The following ZNF16 variants were observed in gnomAD, a reference collection of about 807,000 sequenced individuals.
ZNF16 encodes zinc finger protein 16.
In ZNF16, 7 loss-of-function variants were observed where a neutral mutation model predicts 9.0. That is an observed-to-expected ratio of 0.78 (90% CI 0.44 to 1.47). The LOEUF (loss-of-function observed/expected upper bound fraction) is 1.47, where lower values mean the gene tolerates loss of function less well. Among genes scored for constraint, ZNF16 ranks in the 40% most tolerant of loss-of-function variants. The pLI is 0.01. For synonymous variants in ZNF16, 312 were observed against 301.5 expected, an observed-to-expected ratio of 1.03 and a Z score of -0.36; for missense variants, 830 against 854.2, an observed-to-expected ratio of 0.97 and a Z score of 0.35.
At chr8:144,940,843 T>C (rs563322923) in intron 2 of ZNF16, among the ~76,000 whole-genome samples, 93 of 152,322 alleles carry the variant, frequency 6.1e-4, no homozygotes, top group African/African-American at 2.2e-3. Context: ...TGGTTCCTCC[T>C]AGGTATTCCC....
At chr8:144,942,254 A>AG (rs1833820450) in intron 2 of ZNF16, among the ~76,000 whole-genome samples, 1 of 151,210 alleles carries the variant, frequency 6.6e-6, no homozygotes, top group Non-Finnish European at 1.5e-5. Flanking sequence ...CTGGGATTAC[A>AG]GGCATGAGCC....
Position 144,932,348 on chromosome 8 carries a change from G to T in ZNF16, c.439C>A (p.Pro147Thr). The T allele has an allele frequency of 5.6e-6, 9 of 1,614,078 alleles. No homozygotes were observed. The highest frequency in any genetic ancestry group is 7.6e-6 in the Non-Finnish European group (9 of 1,180,000). The change falls in exon 3 of 3, where the codon CCC (proline) becomes ACC (threonine). Residue 147 changes from proline to threonine, a missense_variant. By Grantham distance (38) the Pro-to-Thr change is conservative. Coordinates refer to ENST00000394909, the MANE Select transcript of ZNF16 (RefSeq NM_006958.3). This position sits in a 1 kb window ranked among gnomAD's most constrained non-coding sequence, Gnocchi z 5.0. The stretch of plus-strand genomic sequence containing the variant: ...CAGTCCAGATCTTTCTCCCCTAAGG[G>T]GCCCCTAAGGAGCCCCATGGCAGCT... Reference protein sequence around the residue: ...TPAAMGLLRGPLGEKDLDCNG... With the variant: ...TPAAMGLLRGTLGEKDLDCNG...
In ZNF16 at chr8:144,946,091, T is replaced by G. The variant is rs747877526; in HGVS notation, c.116A>C (p.His39Pro). The G allele has an allele frequency of 1.2e-6, 2 of 1,612,700 alleles. No homozygotes were observed. The highest frequency in any genetic ancestry group is 1.3e-5 in the African/African-American group (1 of 74,912). Reference sequence around the variant, plus strand: ...GGTACCACAGGCTGCAGATCCAGGGTGGGTCACAGCAGGAGCATCTCTCAC... The same window carrying G: ...GGTACCACAGGCTGCAGATCCAGGGGGGGTCACAGCAGGAGCATCTCTCAC... Reference protein sequence around the residue: ...ARVRDAPAVTHPGSAACGTPC... With the variant: ...ARVRDAPAVTPPGSAACGTPC... Residue 39 changes from histidine (H) to proline (P), a missense_variant, in exon 2 of 3, where the codon CAC (histidine) becomes CCC (proline). His to Pro is a moderately conservative substitution (Grantham distance 77, BLOSUM62 -2). Coordinates refer to ENST00000394909, the MANE Select transcript of ZNF16 (RefSeq NM_006958.3).
Position 144,931,641 on chromosome 8 carries a change from A to G in ZNF16, c.1146T>C (p.Cys382=), listed in dbSNP as rs770197512. 6.2e-7 allele frequency: 1 copy of G among 1,613,820 alleles called. No homozygotes were observed. The highest frequency in any genetic ancestry group is 8.5e-7 in the Non-Finnish European group (1 of 1,179,998). ...TGEKPFECGE[C]GKAFSQSAHL... ...GTGCACTCTGGCTGAAGGCTTTCCC[A>G]CACTCGCCACACTCAAAAGGCTTCT... Residue 382 remains cysteine, a synonymous_variant, in exon 3 of 3, where the codon TGT becomes TGC. Coordinates refer to ENST00000394909, the MANE Select transcript of ZNF16 (RefSeq NM_006958.3).
intron 1 of ZNF16, among the ~76,000 whole-genome samples, chr8:144,950,192 GCTTT>G (rs1834071714): frequency 6.6e-6 from 1 of 151,730 alleles, no homozygotes; most frequent in African/African-American, 2.4e-5. Flanking sequence ...TTGCTCACAT[GCTTT>G]TTTTTGCTGA....
At position 144,933,001 on chromosome 8, in the gene ZNF16, C is replaced by T. The variant is rs1283746085; in HGVS notation, c.197-411G>A. On this transcript the variant is annotated intron_variant, in intron 2 of 2. Coordinates refer to ENST00000394909, the MANE Select transcript of ZNF16 (RefSeq NM_006958.3). The surrounding 1 kb of genome is among the most constrained non-coding windows in gnomAD (Gnocchi z 5.6). ...GTGCTTCTCACTTCTCCCACCTGTA[C>T]CAGAAAAACGTCTCACACCACTCCT... 1.3e-5 allele frequency among the ~76,000 whole-genome samples: 2 copies of T among 152,210 alleles called. No homozygotes were observed. Among genetic ancestry groups the T allele is most frequent in the Admixed American group, 6.5e-5 (1 of 15,278 alleles).
intron 2 of ZNF16, chr8:144,944,362 G>A (rs1236086718): frequency 6.6e-6 from 1 of 152,170 alleles, no homozygotes; most frequent in African/African-American, 2.4e-5. Context: ...GAGCCACCGT[G>A]GTGCTGGGTT....
intron 1 of ZNF16, chr8:144,950,573 C>T (rs554809625): frequency 6.6e-6 from 1 of 152,172 alleles, no homozygotes; most frequent in South Asian, 2.1e-4. Flanking sequence ...GACCCCCTAC[C>T]GGAGGCAGCC....
At chr8:144,944,466 G>A (rs943047092) in intron 2 of ZNF16, 3 of 151,158 alleles carry the variant, frequency 2.0e-5, no homozygotes, top group African/African-American at 4.9e-5. Context: ...GGTTACAGGT[G>A]TGAGCCACCG....
chr8:144,947,055 T>C (rs1340633207), intron 1 of ZNF16, among the ~76,000 whole-genome samples: 1 of 122,238 alleles, frequency 8.2e-6, no homozygotes, highest in African/African-American at 3.4e-5. Context: ...TGGGCCTGTG[T>C]CCTGCTGTGG....
Position 144,931,191 on chromosome 8 carries a change from G to A in ZNF16, c.1596C>T (p.Leu532=). The A allele has an allele frequency of 2.5e-6, 4 of 1,613,220 alleles. No individual in the cohort carries two copies. Among genetic ancestry groups the A allele is most frequent in the South Asian group, 1.1e-5 (1 of 91,038 alleles). The change falls in exon 3 of 3, where the codon CTC becomes CTT. Residue 532 remains leucine (L), a synonymous_variant. Coordinates refer to ENST00000394909, the MANE Select transcript of ZNF16 (RefSeq NM_006958.3). ...CGKTFGRSSN[L]ILHQRVHTGE... is the part of the protein sequence containing the mutation. ...CAGTGTGGACTCGCTGGTGAAGGAT[G>A]AGGTTGGAGCTGCGACCAAAGGTCT... is the stretch of plus-strand genomic sequence containing the variant.
chr8:144,935,829 CTG>C (rs1833668804), intron 2 of ZNF16, among the ~76,000 whole-genome samples: 1 of 152,208 alleles, frequency 6.6e-6, no homozygotes, highest in African/African-American at 2.4e-5. Context: ...CTCGGCTGGG[CTG>C]TGTGTTGGAC....
intron 2 of ZNF16, among the ~76,000 whole-genome samples, chr8:144,939,695 G>A (rs902070729): frequency 6.7e-6 from 1 of 150,260 alleles, no homozygotes; most frequent in Admixed American, 6.7e-5. Flanking sequence ...GGTCTGTTCT[G>A]ATTTTCTACC....
rs765124635 is a variant in ZNF16 at position 144,931,692 on chromosome 8, G to C, written c.1095C>G (p.Ile365Met). The change falls in exon 3 of 3, where the codon ATC (isoleucine) becomes ATG (methionine). Residue 365 changes from isoleucine to methionine, a missense_variant. Transcript: ENST00000394909. The stretch of plus-strand genomic sequence containing the variant: ...CTCCTGTGTGAGTCCTGTGGTGTTT[G>C]ATGAGGTTTGAGCTTCGCCTGAAGG... ...GKAFRRSSNL[I>M]KHHRTHTGEK... The C allele has an allele frequency of 2.5e-6, 4 of 1,613,356 alleles. No homozygotes were observed. The highest frequency in any genetic ancestry group is 3.4e-6 in the Non-Finnish European group (4 of 1,179,684).
At chr8:144,950,301 G>C (rs1008629679) in intron 1 of ZNF16, 1 of 152,216 alleles carries the variant, frequency 6.6e-6, no homozygotes, top group Non-Finnish European at 1.5e-5. Flanking sequence ...CTCAGAGACC[G>C]GTGCCGGTGC....
chr8:144,933,049 T>A lies in ZNF16; in HGVS notation c.197-459A>T, dbSNP rs1030794007. ...CCTTACACTGTTACATATTTCACCC[T>A]TTTTTCTGTCCACACTGCCAGGTGT... is the stretch of plus-strand genomic sequence containing the variant. On this transcript the variant is annotated intron_variant, in intron 2 of 2. Coordinates refer to ENST00000394909, the MANE Select transcript of ZNF16 (RefSeq NM_006958.3). The surrounding 1 kb of genome is among the most constrained non-coding windows in gnomAD (Gnocchi z 5.6). Among the ~76,000 whole-genome samples the A allele has an allele frequency of 7.0e-6, 1 of 142,742 alleles. No homozygotes were observed. Among genetic ancestry groups the A allele is most frequent in the Non-Finnish European group, 1.5e-5 (1 of 66,802 alleles). 93.6% of individuals were successfully genotyped at this position (142,742 alleles called of 152,430 possible).
At chr8:144,940,126 T>C (rs1833767939) in intron 2 of ZNF16, among the ~76,000 whole-genome samples, 1 of 152,248 alleles carries the variant, frequency 6.6e-6, no homozygotes, top group Admixed American at 6.5e-5. Flanking sequence ...TTGCTCAGGC[T>C]GGAATGCAGT....
At chr8:144,936,695 GTTTAT>G (rs768963388) in intron 2 of ZNF16, among the ~76,000 whole-genome samples, 2 of 151,302 alleles carry the variant, frequency 1.3e-5, no homozygotes, top group South Asian at 2.1e-4. Flanking sequence ...TTGGAGAAAT[GTTTAT>G]TCAAGTTCTT....
chr8:144,939,595 C>CAAAAAA (rs58274217), intron 2 of ZNF16, among the ~76,000 whole-genome samples: 3 of 57,416 alleles, frequency 5.2e-5, no homozygotes, highest in Non-Finnish European at 7.0e-5. Context: ...GACTCCGTCT[C>CAAAAAA]AAAAAAAAAA....
Sources: gnomAD v4.1 joint callset for allele counts (sites outside exome capture counted in the v4.1 genomes callset) on GRCh38, gnomAD v4.1.1 for gene constraint, Gnocchi (gnomAD v3.1) non-coding constraint, MANE v1.5 for transcripts, NCBI Gene and HGNC (gene_info 2026-07-23, HGNC 2026-07-21) for gene names.